The following GABRG3 variants were observed in gnomAD, a reference collection of about 807,000 sequenced individuals.
GABRG3 encodes the protein gamma-aminobutyric acid type A receptor subunit gamma3.
Under a neutral mutation model 48.8 loss-of-function variants are expected in GABRG3, and 25 were observed. That is an observed-to-expected ratio of 0.51 (90% CI 0.37 to 0.72). The LOEUF is 0.72. Among genes scored for constraint, GABRG3 ranks in the 30% least tolerant of loss-of-function variants. GABRG3 has a pLI of 0.00. For synonymous variants in GABRG3, 227 were observed against 217.6 expected (o/e 1.04, Z -0.38); for missense variants, 394 against 577.9 (o/e 0.68, Z 3.26).
At chr15:27,303,709 A>G (rs1259521574) in intron 3 of GABRG3, among the ~76,000 whole-genome samples, 1 of 151,214 alleles carries the variant, frequency 6.6e-6, no homozygotes, top group Admixed American at 6.6e-5. Flanking sequence ...ATATATATCC[A>G]TGTGTGTGGA....
chr15:27,351,388 T>C (rs912217860), intron 5 of GABRG3, among the ~76,000 whole-genome samples: 7 of 150,126 alleles, frequency 4.7e-5, no homozygotes, highest in African/African-American at 1.7e-4. Context: ...GGTGTGTGTG[T>C]ATGGTATATG....
chr15:27,405,903 T>C (rs867981664), intron 5 of GABRG3, among the ~76,000 whole-genome samples: 1 of 152,078 alleles, frequency 6.6e-6, no homozygotes, highest in African/African-American at 2.4e-5. Flanking sequence ...TGGAGCATCC[T>C]GTAGTGCCAG....
chr15:27,278,150 CA>C (rs1891316220), intron 3 of GABRG3, among the ~76,000 whole-genome samples: 1 of 151,914 alleles, frequency 6.6e-6, no homozygotes, highest in South Asian at 2.1e-4. Context: ...ATCCCGGGTT[CA>C]AACGATTCTT....
At chr15:27,200,643 T>C (rs1431141568) in intron 3 of GABRG3, among the ~76,000 whole-genome samples, 1 of 152,200 alleles carries the variant, frequency 6.6e-6, no homozygotes, top group Admixed American at 6.5e-5. Flanking sequence ...AGGGGCTAGA[T>C]AATAAATCCT....
chr15:27,091,376 C>G (rs1420285992), intron 3 of GABRG3, among the ~76,000 whole-genome samples: 1 of 152,120 alleles, frequency 6.6e-6, no homozygotes, highest in Non-Finnish European at 1.5e-5. Flanking sequence ...ATTCAGTTTG[C>G]TAGCATTGTG....
chr15:27,026,564 C>A (rs975138683), intron 2 of GABRG3, among the ~76,000 whole-genome samples, 190 bp from the exon 3 acceptor site: 2 of 152,098 alleles, frequency 1.3e-5, no homozygotes, highest in Admixed American at 1.3e-4. Flanking sequence ...TCTCATCCTT[C>A]GAGAATTTTG....
intron 5 of GABRG3, among the ~76,000 whole-genome samples, chr15:27,415,068 T>C (rs1425953862): frequency 6.6e-6 from 1 of 152,226 alleles, no homozygotes; most frequent in African/African-American, 2.4e-5. Flanking sequence ...GTCAATATTT[T>C]AATTTGATTA....
chr15:27,219,899 C>T (rs185635252), intron 3 of GABRG3, among the ~76,000 whole-genome samples: 9 of 152,316 alleles, frequency 5.9e-5, no homozygotes, highest in East Asian at 3.9e-4. Context: ...TTCATAAGAA[C>T]GACTCCTTAT....
intron 5 of GABRG3, among the ~76,000 whole-genome samples, chr15:27,338,570 G>A (rs1197431054): frequency 6.6e-6 from 1 of 152,118 alleles, no homozygotes; most frequent in Non-Finnish European, 1.5e-5. Flanking sequence ...GTGTTGACTT[G>A]GGGAAAGATT....
In GABRG3 at chr15:27,326,907, G is replaced by A. The variant is rs1409486077; in HGVS notation, c.369G>A (p.Val123=). ...TTCTTACTCTGAACAGCAACATGGT[G>A]GGGTTAATCTGGATCCCAGACACCA... ...MKILTLNSNM[V]GLIWIPDTIF... Residue 123 remains valine, a synonymous_variant, in exon 4 of 10, where the codon GTG becomes GTA. Transcript: ENST00000615808. The A allele has an allele frequency of 1.9e-6, 3 of 1,613,818 alleles. No homozygotes were observed. Among genetic ancestry groups the A allele is most frequent in the African/African-American group, 2.7e-5 (2 of 74,888 alleles).
intron 5 of GABRG3, among the ~76,000 whole-genome samples, chr15:27,476,407 TA>T (rs1013919189): frequency 2.0e-5 from 3 of 151,882 alleles, no homozygotes; most frequent in Admixed American, 6.6e-5. Flanking sequence ...AATCATGCCT[TA>T]AAAAAATCAA....
At chr15:27,235,030 T>C (rs552010289) in intron 3 of GABRG3, among the ~76,000 whole-genome samples, 2 of 152,294 alleles carry the variant, frequency 1.3e-5, no homozygotes, top group African/African-American at 4.8e-5. Flanking sequence ...GGGGGCTGTT[T>C]TGATCCCCTT....
chr15:27,326,245 T>G (rs1044745679), intron 3 of GABRG3, among the ~76,000 whole-genome samples: 2 of 152,248 alleles, frequency 1.3e-5, no homozygotes, highest in Admixed American at 1.3e-4. Flanking sequence ...CAGTTCTTTG[T>G]TGTATTTTAT....
chr15:27,308,328 A>G (rs1162831139), intron 3 of GABRG3, among the ~76,000 whole-genome samples: 1 of 140,460 alleles, frequency 7.1e-6, no homozygotes, highest in Non-Finnish European at 1.6e-5. Flanking sequence ...ACATACGTTT[A>G]TATATAAACA....
In GABRG3 at chr15:26,971,501, G is replaced by A; in HGVS notation, c.-35G>A. 2 of 1,478,848 alleles carry A rather than the reference G, an allele frequency of 1.4e-6. No individual in the cohort carries two copies. The highest frequency in any genetic ancestry group is 2.6e-5 in the South Asian group (2 of 77,312). 91.6% of individuals were successfully genotyped at this position (1,478,848 alleles called of 1,614,324 possible). On this transcript the variant is annotated 5_prime_UTR_variant, in exon 1 of 10. Transcript: ENST00000615808. ...GCCGGAGGAAGCCGCGCCCGGCCGA[G>A]GCCCCGGACCCTGCGCCCCGAGCTC... is the stretch of plus-strand genomic sequence containing the variant.
At chr15:27,413,413 A>G (rs1167323840) in intron 5 of GABRG3, among the ~76,000 whole-genome samples, 2 of 152,244 alleles carry the variant, frequency 1.3e-5, no homozygotes, top group African/African-American at 4.8e-5. Flanking sequence ...AGGATTTACA[A>G]TTATATGCAG....
intron 3 of GABRG3, among the ~76,000 whole-genome samples, chr15:27,064,854 G>GA (rs1896711012): frequency 6.6e-6 from 1 of 152,144 alleles, no homozygotes; most frequent in Admixed American, 6.5e-5. Flanking sequence ...ATGGTGCACT[G>GA]AAAAATCAGG....
chr15:27,013,353 A>T (rs1209836163), intron 2 of GABRG3, among the ~76,000 whole-genome samples: 1 of 151,978 alleles, frequency 6.6e-6, no homozygotes, highest in Non-Finnish European at 1.5e-5. Flanking sequence ...GGCTATTGTG[A>T]TGTGCAGGAG....
chr15:27,265,255 C>A (rs935820636), intron 3 of GABRG3, among the ~76,000 whole-genome samples: 4 of 152,088 alleles, frequency 2.6e-5, no homozygotes, highest in African/African-American at 9.7e-5. Flanking sequence ...TAAGCCTGCC[C>A]CCAGTCACTT....
Sources: gnomAD v4.1 joint callset for allele counts (sites outside exome capture counted in the v4.1 genomes callset) on GRCh38, gnomAD v4.1.1 for gene constraint, MANE v1.5 for transcripts, NCBI Gene and HGNC (gene_info 2026-07-23, HGNC 2026-07-21) for gene names.